GALP: variants seen among roughly 807,000 people sequenced by gnomAD.
GALP encodes galanin like peptide.
A neutral mutation model predicts 15.2 loss-of-function variants in GALP; 12 were observed. The observed-to-expected ratio is 0.79, with a 90% CI of 0.51 to 1.28. The LOEUF (loss-of-function observed/expected upper bound fraction) is 1.28, where lower values mean the gene tolerates loss of function less well. Ranked by LOEUF, GALP falls within the 50% of genes most tolerant of loss-of-function variation. The pLI is 0.00. For synonymous variants in GALP, 58 were observed against 55.1 expected, an observed-to-expected ratio of 1.05 and a Z score of -0.23; for missense variants, 161 against 145.6, an observed-to-expected ratio of 1.11 and a Z score of -0.55.
In GALP at chr19:56,181,058, G is replaced by A. The variant is rs7255457; in HGVS notation, c.136+424G>A. On this transcript the variant is annotated intron_variant, in intron 3 of 5. Transcript: ENST00000357330. Reference sequence around the variant, plus strand: ...TTCTCCTCCCTCAGCCTCCTGAGTAGCTGGGATTATAGGTGCCCAACAGCA... The same window carrying A: ...TTCTCCTCCCTCAGCCTCCTGAGTAACTGGGATTATAGGTGCCCAACAGCA... 3.2e-3 allele frequency among the ~76,000 whole-genome samples: 486 copies of A among 151,692 alleles called. 2 individuals carry two copies. Among genetic ancestry groups the A allele is most frequent in the African/African-American group, 0.011 (454 of 41,314 alleles).
Position 56,177,058 on chromosome 19 carries a change from C to G in GALP, c.-39-12C>G, listed in dbSNP as rs770099017. On this transcript the variant is annotated splice_polypyrimidine_tract_variant and intron_variant, in intron 1 of 5. Transcript: ENST00000357330. ...CCGCTTCGGAAAATGACTGGCCGCT[C>G]TCTCCTTGCAGCGTGTTCCGCAGCT... 4 of 1,412,550 alleles carry G rather than the reference C, an allele frequency of 2.8e-6. No homozygotes were observed. Among genetic ancestry groups the G allele is most frequent in the Non-Finnish European group, 3.0e-6 (3 of 1,009,954 alleles). 87.5% of individuals were successfully genotyped at this position (1,412,550 alleles called of 1,614,324 possible).
intron 1 of GALP, among the ~76,000 whole-genome samples, chr19:56,176,398 C>G (rs35397238): frequency 1.4e-4 from 6 of 41,416 alleles, no homozygotes; most frequent in Admixed American, 3.5e-4. Context: ...AGGGGCGGAT[C>G]CCAGCTGCAC....
chr19:56,185,215 A>G lies in GALP; in HGVS notation c.296A>G (p.Asp99Gly). 1.2e-6 allele frequency: 2 copies of G among 1,602,952 alleles called. No homozygotes were observed. The highest frequency in any genetic ancestry group is 4.5e-5 in the East Asian group (2 of 44,732). The change falls in exon 6 of 6, where the codon GAT becomes GGT. Residue 99 changes from aspartate (D) to glycine (G), a missense_variant and splice_region_variant. Transcript: ENST00000357330. ...METFAKPEIG[D>G]LGMLSMKIPK... The stretch of plus-strand genomic sequence containing the variant: ...AAGTTTACCTCTTTCTTTCCCACAG[A>G]TCTGGGCATGCTCAGCATGAAAATT...
intron 2 of GALP, among the ~76,000 whole-genome samples, chr19:56,179,137 A>G (rs1041272227): frequency 6.6e-6 from 1 of 150,404 alleles, no homozygotes; most frequent in Admixed American, 6.6e-5. Context: ...AGATGGCACC[A>G]CTGCGCTTCA....
intron 5 of GALP, among the ~76,000 whole-genome samples, chr19:56,184,484 C>CTTTTTTTTTT (rs11414322): frequency 1.1e-4 from 13 of 117,662 alleles, no homozygotes; most frequent in East Asian, 2.4e-4. Flanking sequence ...TTTTCTTTTT[C>CTTTTTTTTTT]TTTTTTTTTT....
At chr19:56,179,508 A>G (rs1268790460) in intron 2 of GALP, among the ~76,000 whole-genome samples, 1 of 150,802 alleles carries the variant, frequency 6.6e-6, no homozygotes, top group Non-Finnish European at 1.5e-5. Context: ...TTTAGTAGAG[A>G]TGGGGTTTCA....
chr19:56,177,254 A>G, intron 2 of GALP, 59 bp downstream of exon 2: 1 of 1,405,462 alleles, frequency 7.1e-7, no homozygotes, highest in Non-Finnish European at 1.0e-6. Context: ...GCCCTCTGGG[A>G]AGAGTTTTTA....
At position 56,185,069 on chromosome 19, in the gene GALP, G is replaced by T; in HGVS notation, c.296-146G>T. ...TAATCCCAGCACTTTGGGAGGCTGA[G>T]GTGGGCAGATCACCTGAGGTCAGGA... is the stretch of plus-strand genomic sequence containing the variant. On this transcript the variant is annotated intron_variant, in intron 5 of 5. Transcript: ENST00000357330. 3 of 577,372 alleles carry T rather than the reference G, an allele frequency of 5.2e-6. No homozygotes were observed. In the South Asian group the frequency reaches 5.9e-5, roughly 11 times the overall value. The allele number at this position is 577,372 out of a possible 1,614,324, so 35.8% of individuals were successfully genotyped here. A position where few individuals can be genotyped will look rare whatever the true frequency, so the allele number is the denominator to read the frequency against.
chr19:56,183,013 T>C (rs3760852), intron 4 of GALP, 122 bp from the exon 5 acceptor site: 20,494 of 598,362 alleles, frequency 0.034, 1,513 homozygotes, highest in East Asian at 0.27. Context: ...CTCCTCCCCC[T>C]GCTCCACCCT....
chr19:56,179,459 C>T (rs1033921497), intron 2 of GALP, among the ~76,000 whole-genome samples: 6 of 150,428 alleles, frequency 4.0e-5, no homozygotes, highest in Non-Finnish European at 7.4e-5. Context: ...AGGCACCCGC[C>T]ACCACGCCCG....
chr19:56,182,758 A>G (rs274175), intron 4 of GALP, among the ~76,000 whole-genome samples: 125,272 of 152,108 alleles, frequency 0.82, 51,696 homozygotes, highest in East Asian at 0.94. Context: ...GGGTTTCACC[A>G]TGTTGGCCAG....
chr19:56,182,191 G>A lies in GALP; in HGVS notation c.156G>A (p.Met52Ile). 2 of 1,613,872 alleles carry A rather than the reference G, an allele frequency of 1.2e-6. No homozygotes were observed. Among genetic ancestry groups the A allele is most frequent in the Non-Finnish European group, 1.7e-6 (2 of 1,179,798 alleles). Residue 52 changes from methionine (M) to isoleucine (I), a missense_variant, in exon 4 of 6, where the codon ATG (methionine) becomes ATA (isoleucine). Met to Ile is a conservative substitution (Grantham distance 10, BLOSUM62 1). Coordinates refer to ENST00000357330, the MANE Select transcript of GALP (RefSeq NM_033106.4). The part of the protein sequence containing the change: ...LLGPVLHLPQ[M>I]GDQDGKRETA... ...ACCCAGTCCTCCACCTTCCCCAAAT[G>A]GGTGACCAAGACGGAAAGAGGGAGA...
intron 2 of GALP, among the ~76,000 whole-genome samples, chr19:56,179,310 T>TTC (rs1269409563): frequency 1.7e-5 from 2 of 120,272 alleles, no homozygotes; most frequent in South Asian, 5.4e-4. Flanking sequence ...GCCTCTTTCT[T>TTC]TCTTTTTTTT....
intron 2 of GALP, among the ~76,000 whole-genome samples, chr19:56,180,352 C>T (rs142494352): frequency 6.6e-6 from 1 of 152,322 alleles, no homozygotes; most frequent in Non-Finnish European, 1.5e-5. Flanking sequence ...TTCCCCCCAG[C>T]CCCCAATAAC....
chr19:56,184,553 G>A (rs993044903), intron 5 of GALP, among the ~76,000 whole-genome samples: 6 of 138,402 alleles, frequency 4.3e-5, no homozygotes, highest in South Asian at 2.2e-4. Context: ...GCGCGATCTC[G>A]GCTCACTGCA....
chr19:56,181,562 G>C (rs1331558705), intron 3 of GALP, among the ~76,000 whole-genome samples: 1 of 151,622 alleles, frequency 6.6e-6, no homozygotes, highest in Non-Finnish European at 1.5e-5. Context: ...GCACCACAAT[G>C]CCCCACCGGC....
chr19:56,183,022 C>T, intron 4 of GALP, 113 bp from the exon 5 acceptor site: 1 of 735,138 alleles, frequency 1.4e-6, no homozygotes, highest in Non-Finnish European at 2.4e-6. Flanking sequence ...CTGCTCCACC[C>T]TCGGGAAGGA....
intron 4 of GALP, 122 bp from the exon 5 acceptor site, chr19:56,183,013 T>A: frequency 3.4e-4 from 205 of 598,152 alleles, no homozygotes; most frequent in East Asian, 5.0e-4. Flanking sequence ...CTCCTCCCCC[T>A]GCTCCACCCT....
chr19:56,180,659 C>T (rs780156721), intron 3 of GALP, 25 bp downstream of exon 3: 2 of 1,605,970 alleles, frequency 1.2e-6, no homozygotes, highest in East Asian at 4.5e-5. Context: ...GCTCAGCTCT[C>T]CATCCCTGGC....
Sources: gnomAD v4.1 joint callset for allele counts (sites outside exome capture counted in the v4.1 genomes callset) on GRCh38, gnomAD v4.1.1 for gene constraint, MANE v1.5 for transcripts, NCBI Gene and HGNC (gene_info 2026-07-23, HGNC 2026-07-21) for gene names.